The following CRMP1 variants were observed in gnomAD, a reference collection of about 807,000 sequenced individuals.
CRMP1 encodes dihydropyrimidinase-related protein 1.
In CRMP1, 19 loss-of-function variants were observed where a neutral mutation model predicts 68.3. The observed-to-expected ratio is 0.28, with a 90% CI of 0.19 to 0.41. The LOEUF (loss-of-function observed/expected upper bound fraction) is 0.41. Ranked by LOEUF, CRMP1 falls within the 10% of genes least tolerant of loss-of-function variation. The probability of loss-of-function intolerance (pLI) is 1.00; values close to 1 mark genes in which losing one functional copy is unlikely to be tolerated. For synonymous variants in CRMP1, 439 were observed against 399.6 expected (o/e 1.10, Z -1.18); for missense variants, 791 against 967.4 (o/e 0.82, Z 2.42).
intron 6 of CRMP1, among the ~76,000 whole-genome samples, chr4:5,844,276 T>C (rs1175592450): frequency 6.9e-6 from 1 of 144,486 alleles, no homozygotes. Flanking sequence ...AAAAAGATTT[T>C]AGAATACCGA....
At chr4:5,837,678 T>TAAATAAAATA (rs1553904006) in intron 9 of CRMP1, among the ~76,000 whole-genome samples, 2 of 126,268 alleles carry the variant, frequency 1.6e-5, no homozygotes, top group African/African-American at 6.9e-5. Context: ...TAAAATAAAA[T>TAAATAAAATA]AAATAAAATA....
chr4:5,872,414 C>G lies in CRMP1; in HGVS notation c.382-5658G>C, dbSNP rs1049880626. On this transcript the variant is annotated intron_variant, in intron 1 of 13. Coordinates refer to ENST00000324989, the MANE Select transcript of CRMP1 (RefSeq NM_001014809.3). The surrounding 1 kb of genome is among the most constrained non-coding windows in gnomAD (Gnocchi z 4.6). ...TATTATGTATAACCTAGGCCAGGTG[C>G]GGTGGCTCACGCCTGTAATCCCAGC... Among the ~76,000 whole-genome samples the G allele has an allele frequency of 6.6e-6, 1 of 152,112 alleles. No individual in the cohort carries two copies. Among genetic ancestry groups the G allele is most frequent in the Non-Finnish European group, 1.5e-5 (1 of 68,030 alleles).
intron 6 of CRMP1, among the ~76,000 whole-genome samples, chr4:5,844,767 T>C (rs1160830252): frequency 2.0e-5 from 3 of 152,178 alleles, no homozygotes; most frequent in African/African-American, 4.8e-5. Context: ...CAGGGGTGCG[T>C]GCACGCTGGG....
In CRMP1 at chr4:5,881,156, A is replaced by C. The variant is rs1361419942; in HGVS notation, c.381+11433T>G. 6.6e-6 allele frequency among the ~76,000 whole-genome samples: 1 copy of C among 152,238 alleles called. No individual in the cohort carries two copies. Among genetic ancestry groups the C allele is most frequent in the Non-Finnish European group, 1.5e-5 (1 of 68,042 alleles). ...GATGCCTGGGACACAGGCCCAAGGA[A>C]GGAGTGGGGAACTACAACCTCATAT... On this transcript the variant is annotated intron_variant, in intron 1 of 13. Coordinates refer to ENST00000324989, the MANE Select transcript of CRMP1 (RefSeq NM_001014809.3). The surrounding 1 kb of genome is among the most constrained non-coding windows in gnomAD (Gnocchi z 4.6).
rs761053998 is a variant in CRMP1 at position 5,841,342 on chromosome 4, A to G, written c.1119T>C (p.Ser373=). ...PVYITKVMSK[S]AADIIALARK... is the part of the protein sequence containing the mutation. The stretch of plus-strand genomic sequence containing the variant: ...TGGCCAGAGCGATGATGTCGGCTGC[A>G]CTCTTGCTCATGACCTTGGTGATGT... The change falls in exon 8 of 14, where the codon AGT becomes AGC. Residue 373 remains serine, a synonymous_variant. Coordinates refer to ENST00000324989, the MANE Select transcript of CRMP1 (RefSeq NM_001014809.3). The surrounding 1 kb of genome is among the most constrained non-coding windows in gnomAD (Gnocchi z 6.9). 2 of 1,613,752 alleles carry G rather than the reference A, an allele frequency of 1.2e-6. No homozygotes were observed. Among genetic ancestry groups the G allele is most frequent in the Non-Finnish European group, 1.7e-6 (2 of 1,179,970 alleles).
At chr4:5,839,434 C>G in intron 9 of CRMP1, 88 bp downstream of exon 9, 1 of 1,496,286 alleles carries the variant, frequency 6.7e-7, no homozygotes, top group South Asian at 1.3e-5. Flanking sequence ...ATCATGAGTC[C>G]AAACCAGCCT....
chr4:5,869,928 G>A (rs1220997103), intron 1 of CRMP1, among the ~76,000 whole-genome samples: 1 of 152,122 alleles, frequency 6.6e-6, no homozygotes, highest in South Asian at 2.1e-4. Context: ...CTGAGGAAGT[G>A]CACAGAAGGC....
chr4:5,838,538 G>A lies in CRMP1; in HGVS notation c.1310+984C>T, dbSNP rs1344910866. On this transcript the variant is annotated intron_variant, in intron 9 of 13. Transcript: ENST00000324989. This position sits in a 1 kb window ranked among gnomAD's most constrained non-coding sequence, Gnocchi z 4.9. ...AGGATGGCCACAGCAGACAGGTGAG[G>A]CGTTGTCAGACTCTAGGGCCTCTGG... Among the ~76,000 whole-genome samples the A allele has an allele frequency of 6.6e-6, 1 of 152,182 alleles. No homozygotes were observed. Among genetic ancestry groups the A allele is most frequent in the Non-Finnish European group, 1.5e-5 (1 of 68,030 alleles).
intron 6 of CRMP1, among the ~76,000 whole-genome samples, chr4:5,847,338 T>G (rs1712297417): frequency 6.6e-6 from 1 of 152,106 alleles, no homozygotes; most frequent in African/African-American, 2.4e-5. Flanking sequence ...AATGCTGTTA[T>G]GAGATTTTGG....
At position 5,859,204 on chromosome 4, in the gene CRMP1, G is replaced by A. The variant is rs112686374; in HGVS notation, c.655+1822C>T. On this transcript the variant is annotated intron_variant, in intron 3 of 13. Transcript: ENST00000324989. The surrounding 1 kb of genome is among the most constrained non-coding windows in gnomAD (Gnocchi z 5.2). ...GGACAACTCTTACTTAACATCTGTT[G>A]AATGAAGATGGGGAAGGGCGGGGAC... is the stretch of plus-strand genomic sequence containing the variant. 4.2e-3 allele frequency among the ~76,000 whole-genome samples: 647 copies of A among 152,316 alleles called. 3 individuals carry two copies. The highest frequency in any genetic ancestry group is 0.015 in the African/African-American group (628 of 41,568).
chr4:5,821,882 G>C lies in CRMP1; in HGVS notation c.1970-31C>G, dbSNP rs781220085. On this transcript the variant is annotated intron_variant, in intron 13 of 13. Transcript: ENST00000324989. This position sits in a 1 kb window ranked among gnomAD's most constrained non-coding sequence, Gnocchi z 4.4. ...AGAGAGCGCCAATCGCTGCTGGATG[G>C]GATCTGTTAGCATCAGTTCCACGCT... The C allele has an allele frequency of 7.9e-5, 120 of 1,516,512 alleles. No individual in the cohort carries two copies. The highest frequency in any genetic ancestry group is 6.9e-4 in the Middle Eastern group (4 of 5,836). The allele number at this position is 1,516,512 out of a possible 1,614,324, so 93.9% of individuals were successfully genotyped here.
At chr4:5,851,071 CG>C (rs1480009825) in intron 5 of CRMP1, among the ~76,000 whole-genome samples, 13 of 152,180 alleles carry the variant, frequency 8.5e-5, no homozygotes, top group Admixed American at 8.5e-4. Context: ...GCAGAGCTTT[CG>C]GGAAGTACAG....
At chr4:5,880,145 T>C (rs887683502) in intron 1 of CRMP1, among the ~76,000 whole-genome samples, 3 of 152,132 alleles carry the variant, frequency 2.0e-5, no homozygotes, top group African/African-American at 4.8e-5. Flanking sequence ...CAGGTTGCCA[T>C]GTAAAGTGGT....
intron 11 of CRMP1, among the ~76,000 whole-genome samples, chr4:5,830,971 G>A (rs1453427217): frequency 6.6e-6 from 1 of 152,008 alleles, no homozygotes; most frequent in Admixed American, 6.6e-5. Context: ...TGTTTGTTTG[G>A]TTGTTTTGAG....
intron 6 of CRMP1, among the ~76,000 whole-genome samples, chr4:5,848,473 G>C (rs140722360): frequency 1.3e-5 from 2 of 152,142 alleles, no homozygotes; most frequent in African/African-American, 2.4e-5. Context: ...TATTACAGGC[G>C]TGAGCCACAA....
At chr4:5,847,328 A>G (rs1346509696) in intron 6 of CRMP1, among the ~76,000 whole-genome samples, 1 of 152,128 alleles carries the variant, frequency 6.6e-6, no homozygotes, top group Non-Finnish European at 1.5e-5. Flanking sequence ...ACTGTGAACT[A>G]ATGCTGTTAT....
chr4:5,829,039 C>CTAGGA (rs146292678), intron 11 of CRMP1, among the ~76,000 whole-genome samples: 12,456 of 151,952 alleles, frequency 0.082, 729 homozygotes, highest in African/African-American at 0.16. Context: ...ATTTTTTTCT[C>CTAGGA]TAGGTTTCTA....
chr4:5,844,197 G>T (rs1712011138), intron 6 of CRMP1, among the ~76,000 whole-genome samples: 1 of 152,162 alleles, frequency 6.6e-6, no homozygotes, highest in East Asian at 1.9e-4. Flanking sequence ...TGGGTAGATT[G>T]AAGTAAACAA....
At chr4:5,852,115 C>A (rs1348457101) in intron 4 of CRMP1, among the ~76,000 whole-genome samples, 1 of 152,192 alleles carries the variant, frequency 6.6e-6, no homozygotes, top group Non-Finnish European at 1.5e-5. Flanking sequence ...ATTAGTCATG[C>A]AGCTTCTAGA....
Sources: gnomAD v4.1 joint callset for allele counts (sites outside exome capture counted in the v4.1 genomes callset) on GRCh38, gnomAD v4.1.1 for gene constraint, Gnocchi (gnomAD v3.1) non-coding constraint, MANE v1.5 for transcripts, NCBI Gene and HGNC (gene_info 2026-07-23, HGNC 2026-07-21) for gene names.